PTPRT: variants seen among roughly 807,000 people sequenced by gnomAD.
The protein encoded by PTPRT is protein tyrosine phosphatase receptor type T, also known as receptor-type tyrosine-protein phosphatase T.
Under a neutral mutation model 176.8 loss-of-function variants are expected in PTPRT, and 56 were observed. The ratio of observed to expected loss-of-function variants is 0.32; its 90% CI spans 0.26 to 0.40. The LOEUF (loss-of-function observed/expected upper bound fraction) is 0.40, where lower values mean the gene tolerates loss of function less well. Ranked by LOEUF, PTPRT falls within the 10% of genes least tolerant of loss-of-function variation. The probability of loss-of-function intolerance (pLI) is 1.00; values close to 1 mark genes in which losing one functional copy is unlikely to be tolerated. For missense variants in PTPRT, 1,540 were observed against 1,908.2 expected (o/e 0.81, Z 3.60); for synonymous variants, 783 against 739.0 (o/e 1.06, Z -0.96).
chr20:42,562,225 C>T (rs966210715), intron 7 of PTPRT, among the ~76,000 whole-genome samples: 2 of 152,212 alleles, frequency 1.3e-5, no homozygotes, highest in Non-Finnish European at 2.9e-5. Flanking sequence ...GAATACATTT[C>T]CAGCCCTCCA....
intron 8 of PTPRT, among the ~76,000 whole-genome samples, chr20:42,450,881 T>C (rs967152116): frequency 6.6e-6 from 1 of 151,762 alleles, no homozygotes; most frequent in African/African-American, 2.4e-5. Context: ...ATTCATTACA[T>C]TTTTTTAATC....
At chr20:42,286,630 C>T (rs1400628338) in intron 12 of PTPRT, among the ~76,000 whole-genome samples, 1 of 151,720 alleles carries the variant, frequency 6.6e-6, no homozygotes, top group Non-Finnish European at 1.5e-5. Context: ...TATAAAACTA[C>T]TAGAAGAAAA....
chr20:42,547,565 T>C (rs2072697460), intron 7 of PTPRT, among the ~76,000 whole-genome samples: 2 of 152,206 alleles, frequency 1.3e-5, no homozygotes, highest in South Asian at 4.1e-4. Flanking sequence ...AACCTCTACT[T>C]TTGATTAAAT....
chr20:42,769,642 G>T (rs971787432), intron 5 of PTPRT, among the ~76,000 whole-genome samples: 4 of 152,268 alleles, frequency 2.6e-5, no homozygotes, highest in African/African-American at 4.8e-5. Flanking sequence ...CAAGAGAAAT[G>T]AAAGAATACG....
chr20:42,072,636 C>T (rs948177887), downstream of PTPRT: 1 of 178,826 alleles, frequency 5.6e-6, no homozygotes, highest in African/African-American at 2.4e-5. Flanking sequence ...TATGTATTTC[C>T]TGTGATGTAA....
intron 5 of PTPRT, among the ~76,000 whole-genome samples, chr20:42,759,447 C>T (rs189567374): frequency 4.6e-4 from 70 of 152,228 alleles, no homozygotes; most frequent in African/African-American, 1.6e-3. Flanking sequence ...GGGCAGATCA[C>T]GAGGTCAGGA....
intron 14 of PTPRT, among the ~76,000 whole-genome samples, chr20:42,244,388 G>T (rs986014233): frequency 3.3e-5 from 5 of 152,206 alleles, no homozygotes; most frequent in Non-Finnish European, 5.9e-5. Context: ...GACAGACAAG[G>T]AAAGTTTGGC....
chr20:42,783,568 T>C (rs992603875), intron 3 of PTPRT, among the ~76,000 whole-genome samples: 2 of 152,262 alleles, frequency 1.3e-5, no homozygotes, highest in South Asian at 4.1e-4. Context: ...AATATGCTTC[T>C]GACGTGAGAC....
At chr20:42,515,124 AATCT>A (rs1230954880) in intron 7 of PTPRT, among the ~76,000 whole-genome samples, 1 of 152,206 alleles carries the variant, frequency 6.6e-6, no homozygotes, top group Non-Finnish European at 1.5e-5. Flanking sequence ...TTTATCCAAT[AATCT>A]ATCTCTCTAT....
chr20:42,110,065 G>GAGAC (rs921541407), intron 23 of PTPRT, among the ~76,000 whole-genome samples: 6 of 87,906 alleles, frequency 6.8e-5, no homozygotes, highest in African/African-American at 2.8e-4. Context: ...TTTTTTTTTT[G>GAGAC]AGACAGAGTC....
chr20:42,353,235 G>T (rs968996092), intron 9 of PTPRT, among the ~76,000 whole-genome samples: 1 of 152,130 alleles, frequency 6.6e-6, no homozygotes, highest in South Asian at 2.1e-4. Flanking sequence ...TATAAGTCTT[G>T]TTAAAAATGC....
At chr20:43,014,069 G>A (rs558685226) in intron 1 of PTPRT, among the ~76,000 whole-genome samples, 20 of 152,206 alleles carry the variant, frequency 1.3e-4, no homozygotes, top group East Asian at 3.9e-4. Context: ...ATTCCCTTCC[G>A]TCAAGTACTT....
chr20:42,645,499 G>A (rs2074871708), intron 7 of PTPRT, among the ~76,000 whole-genome samples: 1 of 152,058 alleles, frequency 6.6e-6, no homozygotes, highest in Non-Finnish European at 1.5e-5. Context: ...GTGTTTTCAG[G>A]GATCACCTCC....
At chr20:42,072,457 G>A (rs1982393149), downstream of PTPRT, among the ~76,000 whole-genome samples, 1 of 152,188 alleles carries the variant, frequency 6.6e-6, no homozygotes, top group Non-Finnish European at 1.5e-5. Context: ...CTGGGCTTAG[G>A]AATCTGTATG....
At chr20:42,638,645 T>A (rs2145922314) in intron 7 of PTPRT, among the ~76,000 whole-genome samples, 1 of 152,168 alleles carries the variant, frequency 6.6e-6, no homozygotes, top group Non-Finnish European at 1.5e-5. Flanking sequence ...CACAAGTAAA[T>A]CAAATACATA....
At chr20:42,674,471 C>T (rs2075465698) in intron 7 of PTPRT, among the ~76,000 whole-genome samples, 1 of 152,088 alleles carries the variant, frequency 6.6e-6, no homozygotes, top group African/African-American at 2.4e-5. Flanking sequence ...TGATCATCAG[C>T]AAATAAGTCC....
intron 15 of PTPRT, among the ~76,000 whole-genome samples, chr20:42,232,398 T>C (rs1197896127): frequency 2.0e-5 from 3 of 152,180 alleles, no homozygotes; most frequent in Middle Eastern, 3.2e-3. Context: ...CTTGTTACAA[T>C]GCAGATTCTG....
At chr20:42,336,674 T>C (rs922947260) in intron 11 of PTPRT, among the ~76,000 whole-genome samples, 5 of 152,010 alleles carry the variant, frequency 3.3e-5, no homozygotes, top group Admixed American at 2.6e-4. Context: ...AAGAAAAACA[T>C]GAATAAATTT....
intron 6 of PTPRT, among the ~76,000 whole-genome samples, chr20:42,727,138 T>C (rs1213250056): frequency 1.3e-5 from 2 of 152,122 alleles, no homozygotes; most frequent in Non-Finnish European, 2.9e-5. Context: ...GAGGCCTCCA[T>C]TGTGGGGAAC....
Sources: gnomAD v4.1 joint callset for allele counts (sites outside exome capture counted in the v4.1 genomes callset) on GRCh38, gnomAD v4.1.1 for gene constraint, MANE v1.5 for transcripts, NCBI Gene and HGNC (gene_info 2026-07-23, HGNC 2026-07-21) for gene names.